The following KCTD2 variants were observed in gnomAD, a reference collection of about 807,000 sequenced individuals.
KCTD2 encodes potassium channel tetramerization domain containing 2, also known as BTB/POZ domain-containing protein KCTD2.
Under a neutral mutation model 27.9 loss-of-function variants are expected in KCTD2, and 18 were observed. The ratio of observed to expected loss-of-function variants is 0.64; its 90% CI spans 0.45 to 0.96. KCTD2 has a LOEUF of 0.96. KCTD2 is among the 40% of genes least tolerant of loss of function. The pLI is 0.00. For missense variants in KCTD2, 280 were observed against 348.0 expected (o/e 0.80, Z 1.56); for synonymous variants, 175 against 148.4 (o/e 1.18, Z -1.30).
intron 2 of KCTD2, chr17:75,034,158 C>A (rs1258294812): frequency 6.6e-6 from 1 of 152,234 alleles, no homozygotes; most frequent in Non-Finnish European, 1.5e-5. Flanking sequence ...GAACAGCTTT[C>A]GTCCGGGTAG....
Position 75,047,472 on chromosome 17 carries a change from C to T in KCTD2, c.222C>T (p.Val74=), listed in dbSNP as rs778994163. 6 of 1,579,614 alleles carry T rather than the reference C, an allele frequency of 3.8e-6. No individual in the cohort carries two copies. The South Asian group carries it at 5.6e-5, about 15-fold the overall frequency. ...GGGGCGGCGGCGCGGCCCGCTGGGTCAGGCTGAACGTGGGAGGCACCTACT... is the reference window on the plus strand; with the variant it reads ...GGGGCGGCGGCGCGGCCCGCTGGGTTAGGCTGAACGTGGGAGGCACCTACT... ...RAGGGGAARW[V]RLNVGGTYFV... is the part of the protein sequence containing the mutation. The change falls in exon 1 of 6, where the codon GTC becomes GTT. Residue 74 remains valine (V), a synonymous_variant. Transcript: ENST00000322444.
At chr17:75,042,309 G>A (rs1017912378), upstream of KCTD2, 4 of 1,604,612 alleles carry the variant, frequency 2.5e-6, no homozygotes, top group African/African-American at 2.7e-5. Flanking sequence ...AGTTAGGATT[G>A]TTCATAAGCA....
chr17:75,047,218 C>T (rs1040336149), upstream of KCTD2: 39 of 636,500 alleles, frequency 6.1e-5, 1 homozygote, highest in African/African-American at 5.7e-4. Context: ...CCCGGCTGCG[C>T]GCGGGCAGCA....
intron 3 of KCTD2, among the ~76,000 whole-genome samples, chr17:75,058,336 A>G (rs200307252): frequency 5.2e-4 from 73 of 141,154 alleles, no homozygotes; most frequent in East Asian, 3.7e-3. Flanking sequence ...AAAAAAAAAA[A>G]GGAAAAAAAA....
chr17:75,058,015 C>T lies in KCTD2; in HGVS notation c.541-1495C>T, dbSNP rs2073366587. Among the ~76,000 whole-genome samples, 5 of 151,344 alleles carry T rather than the reference C, an allele frequency of 3.3e-5. No homozygotes were observed. The South Asian group carries it at 6.3e-4, about 19-fold the overall frequency. ...CAGCCTGGCCAACATGGCGAAATCC[C>T]GTCTCCACTAAAAATCCAAAAAAAT... On this transcript the variant is annotated intron_variant, in intron 3 of 5. Coordinates refer to ENST00000322444, the MANE Select transcript of KCTD2 (RefSeq NM_015353.3).
intron 3 of KCTD2, among the ~76,000 whole-genome samples, chr17:75,038,472 T>C (rs1219933955): frequency 6.6e-6 from 1 of 152,222 alleles, no homozygotes; most frequent in Non-Finnish European, 1.5e-5. Context: ...ACCACTTTTG[T>C]GCTCAAAAGC....
intron 2 of KCTD2, among the ~76,000 whole-genome samples, chr17:75,050,349 C>T (rs2073271787): frequency 6.6e-6 from 1 of 152,118 alleles, no homozygotes; most frequent in African/African-American, 2.4e-5. Flanking sequence ...GCAACCTCAG[C>T]CTCCTGGGTT....
intron 3 of KCTD2, among the ~76,000 whole-genome samples, chr17:75,054,622 G>C (rs1015759425): frequency 6.6e-6 from 1 of 151,928 alleles, no homozygotes; most frequent in Non-Finnish European, 1.5e-5. Flanking sequence ...TGGCTAACAC[G>C]GTGAAACCCC....
intron 2 of KCTD2, among the ~76,000 whole-genome samples, chr17:75,034,397 C>T (rs1425410691): frequency 1.3e-5 from 2 of 152,130 alleles, no homozygotes; most frequent in Admixed American, 6.5e-5. Context: ...GCTGCCGGCA[C>T]CAAAAGAAAC....
At chr17:75,046,344 A>G (rs2073216145), upstream of KCTD2, among the ~76,000 whole-genome samples, 1 of 152,090 alleles carries the variant, frequency 6.6e-6, no homozygotes, top group Non-Finnish European at 1.5e-5. Flanking sequence ...GGCCTCCTAA[A>G]ATTCTGGGAT....
At chr17:75,040,133 C>T in intron 3 of KCTD2, 1 of 1,612,606 alleles carries the variant, frequency 6.2e-7, no homozygotes, top group Middle Eastern at 2.0e-4. Flanking sequence ...GTATATTTAT[C>T]CTCTGGCACG....
chr17:75,036,114 C>A (rs1330539909), intron 3 of KCTD2: 1 of 445,746 alleles, frequency 2.2e-6, no homozygotes, highest in Non-Finnish European at 4.5e-6. Flanking sequence ...AGTGCAGTAG[C>A]GTGATCTCGG....
chr17:75,039,914 T>C, intron 3 of KCTD2: 1 of 692,494 alleles, frequency 1.4e-6, no homozygotes, highest in Non-Finnish European at 2.5e-6. Flanking sequence ...TCTTGTTGGC[T>C]TCTTTCACTC....
intron 1 of KCTD2, chr17:75,048,964 A>G (rs911545839): frequency 5.8e-5 from 18 of 311,644 alleles, no homozygotes; most frequent in African/African-American, 3.4e-4. Flanking sequence ...GCCAGTAAGT[A>G]AACGCCTAAA....
intron 2 of KCTD2, 66 bp downstream of exon 2, chr17:75,049,394 ATTTCAATTTTG>A: frequency 9.3e-7 from 1 of 1,073,150 alleles, no homozygotes; most frequent in Non-Finnish European, 1.4e-6. Flanking sequence ...TGTTTTACAG[ATTTCAATTTTG>A]TTTGACATTT....
intron 1 of KCTD2, among the ~76,000 whole-genome samples, chr17:75,048,147 A>G (rs2089605559): frequency 6.6e-6 from 1 of 152,316 alleles, no homozygotes; most frequent in East Asian, 1.9e-4. Context: ...GTTTAGGTCC[A>G]TATTTAGATC....
At chr17:75,036,848 C>T (rs979184533) in intron 3 of KCTD2, among the ~76,000 whole-genome samples, 8 of 152,178 alleles carry the variant, frequency 5.3e-5, no homozygotes, top group African/African-American at 1.9e-4. Context: ...ACAGCTACCG[C>T]TCCTCATCTC....
intron 3 of KCTD2, among the ~76,000 whole-genome samples, chr17:75,054,130 A>C (rs944119484): frequency 6.6e-6 from 1 of 150,840 alleles, no homozygotes; most frequent in Non-Finnish European, 1.5e-5. Context: ...TGATTTTCCT[A>C]CCTCAGCCTA....
chr17:75,049,035 C>T (rs2073258889), intron 1 of KCTD2, 185 bp from the exon 2 acceptor site: 1 of 514,980 alleles, frequency 1.9e-6, no homozygotes, highest in Admixed American at 3.3e-5. Context: ...ATACATAAAG[C>T]TATAGCTTTC....
Sources: gnomAD v4.1 joint callset for allele counts (sites outside exome capture counted in the v4.1 genomes callset) on GRCh38, gnomAD v4.1.1 for gene constraint, MANE v1.5 for transcripts, NCBI Gene and HGNC (gene_info 2026-07-23, HGNC 2026-07-21) for gene names.